CROT: variants seen among roughly 807,000 people sequenced by gnomAD.
CROT encodes peroxisomal carnitine O-octanoyltransferase.
In CROT, 84 loss-of-function variants were observed where a neutral mutation model predicts 89.2. The ratio of observed to expected loss-of-function variants is 0.94; its 90% CI spans 0.79 to 1.13. The LOEUF (loss-of-function observed/expected upper bound fraction) is 1.13. Among genes scored for constraint, CROT ranks in the 50% most tolerant of loss-of-function variants. CROT has a pLI of 0.00. For missense variants in CROT, 711 were observed against 727.8 expected (o/e 0.98, Z 0.27); for synonymous variants, 212 against 239.5 (o/e 0.89, Z 1.06).
intron 3 of CROT, among the ~76,000 whole-genome samples, chr7:87,353,584 G>A (rs1296596334): frequency 6.6e-6 from 1 of 152,208 alleles, no homozygotes; most frequent in African/African-American, 2.4e-5. Context: ...TTGGCTCACA[G>A]TTCTGCAGGC....
At chr7:87,380,072 C>T (rs1806940932) in intron 10 of CROT, among the ~76,000 whole-genome samples, 2 of 152,142 alleles carry the variant, frequency 1.3e-5, no homozygotes, top group South Asian at 4.1e-4. Flanking sequence ...GGTTGTACCA[C>T]TGCACTCCCA....
chr7:87,351,951 A>G lies in CROT; in HGVS notation c.115+2768A>G, dbSNP rs1805880818. On this transcript the variant is annotated intron_variant, in intron 3 of 17. Coordinates refer to ENST00000331536, the MANE Select transcript of CROT (RefSeq NM_021151.4). ...ACTGTTTACCCTGCAATAGAGACTT[A>G]ACCCTTGCCTTACGTGATCTTAGAT... Among the ~76,000 whole-genome samples the G allele has an allele frequency of 2.0e-5, 3 of 152,270 alleles. No individual in the cohort carries two copies. The South Asian group carries it at 6.2e-4, about 31-fold the overall frequency.
At chr7:87,398,408 C>A in intron 17 of CROT, 116 bp from the exon 18 acceptor site, 1 of 1,284,076 alleles carries the variant, frequency 7.8e-7, no homozygotes, top group Non-Finnish European at 1.1e-6. Flanking sequence ...TACCTAATGT[C>A]AGCAAGACTT....
chr7:87,354,489 G>T, intron 3 of CROT: 1 of 471,622 alleles, frequency 2.1e-6, no homozygotes, highest in African/African-American at 2.0e-5. Context: ...TGATTACATT[G>T]ACAATTTAGA....
chr7:87,362,111 G>A (rs770511930), intron 6 of CROT, among the ~76,000 whole-genome samples: 3 of 152,154 alleles, frequency 2.0e-5, no homozygotes, highest in Non-Finnish European at 4.4e-5. Flanking sequence ...TACTTGAAGA[G>A]TAGAATCAGA....
At position 87,349,109 on chromosome 7, in the gene CROT, T is replaced by G; in HGVS notation, c.41T>G (p.Phe14Cys). 3 of 1,608,082 alleles carry G rather than the reference T, an allele frequency of 1.9e-6. No individual in the cohort carries two copies. Among genetic ancestry groups the G allele is most frequent in the Non-Finnish European group, 2.5e-6 (3 of 1,176,664 alleles). The change falls in exon 3 of 18, where the codon TTT becomes TGT. Residue 14 changes from phenylalanine (F) to cysteine (C), a missense_variant. Phe to Cys is a radical substitution (Grantham distance 205). Transcript: ENST00000331536. ...QLAKSTEERT[F>C]QYQDSLPSLP... ...GCTAAATCAACTGAAGAACGAACAT[T>G]TCAGTACCAGGATTCTCTTCCATCA...
At chr7:87,397,575 G>A (rs1271929620) in intron 17 of CROT, among the ~76,000 whole-genome samples, 1 of 152,160 alleles carries the variant, frequency 6.6e-6, no homozygotes, top group Non-Finnish European at 1.5e-5. Flanking sequence ...ATGTTTAGAT[G>A]CTGCTAAATA....
chr7:87,382,025 T>C, intron 11 of CROT, 32 bp downstream of exon 11: 1 of 1,579,068 alleles, frequency 6.3e-7, no homozygotes. Context: ...ATCTTTTTTC[T>C]CCTAATAGTT....
chr7:87,384,230 A>C (rs936529119), intron 13 of CROT, among the ~76,000 whole-genome samples: 1 of 152,044 alleles, frequency 6.6e-6, no homozygotes, highest in Non-Finnish European at 1.5e-5. Context: ...CTTTTGAGAA[A>C]TGTCTATTAA....
At position 87,361,820 on chromosome 7, in the gene CROT, C is replaced by A; in HGVS notation, c.515C>A (p.Thr172Asn). 2 of 1,604,566 alleles carry A rather than the reference C, an allele frequency of 1.2e-6. No individual in the cohort carries two copies. The highest frequency in any genetic ancestry group is 1.7e-6 in the Non-Finnish European group (2 of 1,176,812). Residue 172 changes from threonine to asparagine, a missense_variant, in exon 6 of 18, where the codon ACT becomes AAT. Coordinates refer to ENST00000331536, the MANE Select transcript of CROT (RefSeq NM_021151.4). ...TCTACCTGCAAGGTTCCAGGAATTACTAGAGACTCCATTATGAATTATTTT... is the reference window on the plus strand; with the variant it reads ...TCTACCTGCAAGGTTCCAGGAATTAATAGAGACTCCATTATGAATTATTTT... ...LFSTCKVPGI[T>N]RDSIMNYFRT... is the part of the protein sequence containing the mutation.
chr7:87,362,673 AG>A (rs979866855), intron 6 of CROT, among the ~76,000 whole-genome samples: 1 of 151,820 alleles, frequency 6.6e-6, no homozygotes, highest in African/African-American at 2.4e-5. Flanking sequence ...GTTTAATGGC[AG>A]TTTCTGCTTG....
chr7:87,355,641 A>T (rs1353847136), intron 3 of CROT, among the ~76,000 whole-genome samples: 1 of 152,202 alleles, frequency 6.6e-6, no homozygotes, highest in Non-Finnish European at 1.5e-5. Flanking sequence ...ATGCAAGCAC[A>T]GGGCGACATG....
chr7:87,379,132 G>A (rs1319884270), intron 10 of CROT, among the ~76,000 whole-genome samples: 1 of 152,054 alleles, frequency 6.6e-6, no homozygotes, highest in East Asian at 1.9e-4. Flanking sequence ...GTGGTTAACT[G>A]CCCCCTGGCT....
chr7:87,357,346 C>G (rs529742485), intron 3 of CROT, among the ~76,000 whole-genome samples: 7 of 152,286 alleles, frequency 4.6e-5, no homozygotes, highest in Non-Finnish European at 8.8e-5. Context: ...GGCTGGGACT[C>G]TAACCCAAAT....
At chr7:87,366,780 T>A in intron 6 of CROT, among the ~76,000 whole-genome samples, 1 of 152,148 alleles carries the variant, frequency 6.6e-6, no homozygotes, top group East Asian at 1.9e-4. Context: ...TAAAATTTAA[T>A]TTGTCTTTTC....
chr7:87,361,981 A>C (rs1239409038), intron 6 of CROT, 129 bp downstream of exon 6: 3 of 792,410 alleles, frequency 3.8e-6, no homozygotes, highest in Non-Finnish European at 5.6e-6. Context: ...GTTTTCTGTG[A>C]GCCTTATATT....
intron 4 of CROT, chr7:87,359,701 T>C: frequency 4.9e-6 from 5 of 1,026,028 alleles, no homozygotes; most frequent in Non-Finnish European, 5.8e-6. Flanking sequence ...ACATGTCACA[T>C]AGGTGGCATA....
At chr7:87,353,133 G>A (rs565952005) in intron 3 of CROT, among the ~76,000 whole-genome samples, 59 of 152,044 alleles carry the variant, frequency 3.9e-4, no homozygotes, top group African/African-American at 1.3e-3. Flanking sequence ...GTCCTTTAAC[G>A]GATTTTTTTT....
chr7:87,359,254 T>C lies in CROT; in HGVS notation c.164T>C (p.Val55Ala), dbSNP rs1181808929. ...GAATATAAGAAAACTGAAGAAATAG[T>C]TCAAAAATTTCAAAGTGGGATTGGA... ...QEEYKKTEEIVQKFQSGIGEK... is the reference protein window; with the variant it reads ...QEEYKKTEEIAQKFQSGIGEK... The change falls in exon 4 of 18, where the codon GTT becomes GCT. Residue 55 changes from valine to alanine, a missense_variant. Val to Ala is a moderately conservative substitution (Grantham distance 64, BLOSUM62 0). Coordinates refer to ENST00000331536, the MANE Select transcript of CROT (RefSeq NM_021151.4). The C allele has an allele frequency of 1.3e-6, 2 of 1,591,796 alleles. No homozygotes were observed. The highest frequency in any genetic ancestry group is 1.7e-6 in the Non-Finnish European group (2 of 1,162,454).
Sources: allele counts gnomAD v4.1 joint callset (sites outside exome capture counted in the v4.1 genomes callset), GRCh38; gene constraint gnomAD v4.1.1; transcripts MANE v1.5; gene names NCBI Gene and HGNC (gene_info 2026-07-23, HGNC 2026-07-21).